EIF4A3: variants seen among roughly 807,000 people sequenced by gnomAD.
EIF4A3 encodes eukaryotic translation initiation factor 4A3, also known as eukaryotic initiation factor 4A-III.
In EIF4A3, 1 loss-of-function variant was observed where a neutral mutation model predicts 55.6. The ratio of observed to expected loss-of-function variants is 0.02; its 90% CI spans 0.01 to 0.09. The LOEUF (loss-of-function observed/expected upper bound fraction) is 0.09. EIF4A3 is among the 10% of genes least tolerant of loss of function. The probability of loss-of-function intolerance (pLI) is 1.00; values close to 1 mark genes in which losing one functional copy is unlikely to be tolerated. For synonymous variants in EIF4A3, 194 were observed against 196.3 expected (o/e 0.99, Z 0.10); for missense variants, 221 against 540.7 (o/e 0.41, Z 5.86).
Position 80,134,424 on chromosome 17 carries a change from CTGTT to C in EIF4A3, c.*1062_*1065del. Among the ~76,000 whole-genome samples, 1 of 152,164 alleles carries C rather than the reference CTGTT, an allele frequency of 6.6e-6. No homozygotes were observed. The highest frequency in any genetic ancestry group is 1.9e-4 in the East Asian group (1 of 5,186). On this transcript the variant is annotated 3_prime_UTR_variant, in exon 12 of 12. Transcript: ENST00000649764. ...TTTAAATATTTAAACAGATAATTAT[CTGTT>C]TTAGTTTGTCAACATTGTGGTAAGT...
At chr17:80,139,280 A>T in intron 6 of EIF4A3, 118 bp from the exon 7 acceptor site, 1 of 1,372,204 alleles carries the variant, frequency 7.3e-7, no homozygotes. Flanking sequence ...TACGTTTGAC[A>T]GGAAATCTCA....
intron 6 of EIF4A3, 105 bp downstream of exon 6, chr17:80,139,565 A>G (rs2143990646): frequency 1.0e-6 from 1 of 977,802 alleles, no homozygotes; most frequent in Non-Finnish European, 1.5e-6. Context: ...CGATGAAAAC[A>G]CTATTCACAT....
intron 11 of EIF4A3, 66 bp downstream of exon 11, chr17:80,135,938 A>T: frequency 5.1e-6 from 8 of 1,558,860 alleles, no homozygotes; most frequent in Non-Finnish European, 6.9e-6. Flanking sequence ...AAACAAACTC[A>T]GGTGCCCCAA....
intron 11 of EIF4A3, 88 bp from the exon 12 acceptor site, chr17:80,135,594 ACTTCTC>A: frequency 8.2e-7 from 1 of 1,219,652 alleles, no homozygotes; most frequent in Admixed American, 2.2e-5. Context: ...CTCACAACAG[ACTTCTC>A]AAAACAAAAA....
chr17:80,138,359 G>A (rs2143987810), intron 7 of EIF4A3, 79 bp from the exon 8 acceptor site: 3 of 1,564,730 alleles, frequency 1.9e-6, no homozygotes, highest in East Asian at 4.5e-5. Context: ...AGGATCCAGG[G>A]AGACCCTGGT....
At chr17:80,138,470 T>A (rs1196240981) in intron 7 of EIF4A3, 190 bp from the exon 8 acceptor site, 1 of 588,054 alleles carries the variant, frequency 1.7e-6, no homozygotes, top group Non-Finnish European at 3.0e-6. Context: ...TTCTGTATCC[T>A]ACTTAACATT....
intron 11 of EIF4A3, 45 bp downstream of exon 11, chr17:80,135,959 G>C (rs1247273278): frequency 6.3e-7 from 1 of 1,593,322 alleles, no homozygotes; most frequent in Non-Finnish European, 8.5e-7. Flanking sequence ...ACTAAGAATA[G>C]GGAAGTTCCC....
chr17:80,141,980 C>T lies in EIF4A3; in HGVS notation c.243-132G>A, dbSNP rs565262152. 11 of 634,826 alleles carry T rather than the reference C, an allele frequency of 1.7e-5. No individual in the cohort carries two copies. The South Asian group carries it at 2.2e-4, about 13-fold the overall frequency. The allele number at this position is 634,826 out of a possible 1,614,324, so 39.3% of individuals were successfully genotyped here. A position where few individuals can be genotyped will look rare whatever the true frequency, so the allele number is the denominator to read the frequency against. On this transcript the variant is annotated intron_variant, in intron 2 of 11. Transcript: ENST00000649764. ...GCCCCCGTACCTAATAACATCTTAA[C>T]TGCGAGGAGGCAGGACTCGGGCCCA...
chr17:80,140,814 G>A (rs894982942), intron 4 of EIF4A3, among the ~76,000 whole-genome samples: 15 of 145,426 alleles, frequency 1.0e-4, no homozygotes, highest in African/African-American at 3.6e-4. Context: ...TTTTTTTTTT[G>A]AGACAGAGTT....
chr17:80,135,818 C>A (rs2039565665), intron 11 of EIF4A3, 186 bp downstream of exon 11: 2 of 702,356 alleles, frequency 2.8e-6, no homozygotes, highest in Non-Finnish European at 4.7e-6. Context: ...TTGCTTGAAC[C>A]CAGGAGGCAG....
chr17:80,144,019 T>C, intron 2 of EIF4A3, among the ~76,000 whole-genome samples, 153 bp downstream of exon 2: 1 of 152,092 alleles, frequency 6.6e-6, no homozygotes, highest in East Asian at 1.9e-4. Context: ...AGAACACAAA[T>C]TTAAAAAAGT....
chr17:80,134,657 C>G lies in EIF4A3; in HGVS notation c.*833G>C, dbSNP rs903550488. ...TAGGCCACAAAGTGAGACCCTGTCTCTACAAAAAATTTAAATATTAGCCAG... is the reference window on the plus strand; with the variant it reads ...TAGGCCACAAAGTGAGACCCTGTCTGTACAAAAAATTTAAATATTAGCCAG... On this transcript the variant is annotated 3_prime_UTR_variant, in exon 12 of 12. Coordinates refer to ENST00000649764, the MANE Select transcript of EIF4A3 (RefSeq NM_014740.4). Among the ~76,000 whole-genome samples, 8 of 151,988 alleles carry G rather than the reference C, an allele frequency of 5.3e-5. No homozygotes were observed. The highest frequency in any genetic ancestry group is 4.4e-5 in the Non-Finnish European group (3 of 67,998).
intron 4 of EIF4A3, 197 bp from the exon 5 acceptor site, chr17:80,140,337 G>A (rs2039607426): frequency 2.7e-5 from 16 of 592,872 alleles, no homozygotes; most frequent in Admixed American, 4.4e-5. Flanking sequence ...TTTTTGAGAC[G>A]GAGTCTCACT....
At chr17:80,137,977 G>A (rs2039586625) in intron 8 of EIF4A3, among the ~76,000 whole-genome samples, 165 bp downstream of exon 8, 2 of 152,136 alleles carry the variant, frequency 1.3e-5, no homozygotes, top group Admixed American at 1.3e-4. Context: ...AGCCACGTCT[G>A]ACCGTTTGCA....
chr17:80,144,104 G>T, intron 2 of EIF4A3, 68 bp downstream of exon 2: 1 of 1,435,572 alleles, frequency 7.0e-7, no homozygotes, highest in South Asian at 1.1e-5. Flanking sequence ...AGTCATCCCA[G>T]AGCATCTAAC....
intron 8 of EIF4A3, chr17:80,137,727 G>C (rs528200811): frequency 5.8e-6 from 3 of 514,982 alleles, no homozygotes; most frequent in South Asian, 2.4e-5. Context: ...TGACTCTATG[G>C]GGGGAGGGGG....
At chr17:80,144,759 G>A (rs944030208) in intron 1 of EIF4A3, among the ~76,000 whole-genome samples, 1 of 152,142 alleles carries the variant, frequency 6.6e-6, no homozygotes, top group African/African-American at 2.4e-5. Flanking sequence ...TTGCTGACAG[G>A]TCTACAACTC....
intron 2 of EIF4A3, among the ~76,000 whole-genome samples, chr17:80,143,459 A>G (rs2039633440): frequency 6.6e-6 from 1 of 152,162 alleles, no homozygotes; most frequent in South Asian, 2.1e-4. Context: ...ATGGGGACTG[A>G]GCCGTCAACC....
chr17:80,142,613 C>T (rs1026292843), intron 2 of EIF4A3, among the ~76,000 whole-genome samples: 2 of 152,180 alleles, frequency 1.3e-5, no homozygotes, highest in African/African-American at 4.8e-5. Flanking sequence ...GGAACGGTGG[C>T]ACATTCTGGC....
Sources: gnomAD v4.1 joint callset for allele counts (sites outside exome capture counted in the v4.1 genomes callset) on GRCh38, gnomAD v4.1.1 for gene constraint, MANE v1.5 for transcripts, NCBI Gene and HGNC (gene_info 2026-07-23, HGNC 2026-07-21) for gene names.